CHMP1A: variants seen among roughly 807,000 people sequenced by gnomAD.
The protein encoded by CHMP1A is charged multivesicular body protein 1A.
Under a neutral mutation model 27.0 loss-of-function variants are expected in CHMP1A, and 17 were observed. The ratio of observed to expected loss-of-function variants is 0.63; its 90% CI spans 0.43 to 0.95. The LOEUF is 0.95. Among genes scored for constraint, CHMP1A ranks in the 40% least tolerant of loss-of-function variants. The pLI is 0.00. For missense variants in CHMP1A, 275 were observed against 264.0 expected, an observed-to-expected ratio of 1.04 and a Z score of -0.29; for synonymous variants, 131 against 107.5, an observed-to-expected ratio of 1.22 and a Z score of -1.35.
At chr16:89,653,856 C>G (rs374973354) in intron 2 of CHMP1A, 48 bp downstream of exon 2, 7 of 1,595,810 alleles carry the variant, frequency 4.4e-6, no homozygotes, top group Non-Finnish European at 4.3e-6. Flanking sequence ...CTTATACTAT[C>G]TGTCCTCACC....
At chr16:89,649,814 G>C (rs4785699) in intron 3 of CHMP1A, among the ~76,000 whole-genome samples, 4 of 152,102 alleles carry the variant, frequency 2.6e-5, no homozygotes, top group Non-Finnish European at 4.4e-5. Flanking sequence ...CTGACCTCGT[G>C]ATCTGCCCGC....
At position 89,648,528 on chromosome 16, in the gene CHMP1A, G is replaced by A. The variant is rs930827027; in HGVS notation, c.252+823C>T. ...GCAACAGCCAAGGCTCTGCTGTGACGTCCCTGACCCAGCAGATGAGCCTGG... is the reference window on the plus strand; with the variant it reads ...GCAACAGCCAAGGCTCTGCTGTGACATCCCTGACCCAGCAGATGAGCCTGG... On this transcript the variant is annotated intron_variant, in intron 4 of 6. Coordinates refer to ENST00000397901, the MANE Select transcript of CHMP1A (RefSeq NM_002768.5). 4.1e-4 allele frequency among the ~76,000 whole-genome samples: 62 copies of A among 152,298 alleles called. No individual in the cohort carries two copies. In the Middle Eastern group the frequency reaches 0.01, roughly 25 times the overall value.
At chr16:89,653,778 C>A in intron 2 of CHMP1A, 126 bp downstream of exon 2, 1 of 971,208 alleles carries the variant, frequency 1.0e-6, no homozygotes, top group African/African-American at 1.6e-5. Context: ...CAGTCTGAGC[C>A]CTGTGTGGCG....
intron 2 of CHMP1A, among the ~76,000 whole-genome samples, chr16:89,652,198 C>G (rs2059829813): frequency 6.6e-6 from 1 of 152,278 alleles, no homozygotes; most frequent in East Asian, 1.9e-4. Flanking sequence ...TCTGGCAACA[C>G]CACAAGGACA....
intron 6 of CHMP1A, 62 bp from the exon 7 acceptor site, chr16:89,646,149 C>T: frequency 1.4e-6 from 2 of 1,450,218 alleles, no homozygotes; most frequent in African/African-American, 2.8e-5. Context: ...CCACCACGTG[C>T]TCCCAGCACA....
chr16:89,652,325 G>A (rs1201837014), intron 2 of CHMP1A, among the ~76,000 whole-genome samples: 2 of 145,754 alleles, frequency 1.4e-5, no homozygotes, highest in Non-Finnish European at 3.0e-5. Context: ...CAGACACCCT[G>A]GTATCAGGTA....
chr16:89,648,751 C>G (rs913486538), intron 4 of CHMP1A, among the ~76,000 whole-genome samples: 4 of 100,528 alleles, frequency 4.0e-5, no homozygotes, highest in African/African-American at 1.5e-4. Flanking sequence ...ATCAGCTGGG[C>G]ATGGTGGTGG....
rs994955116 is a variant in CHMP1A at position 89,652,398 on chromosome 16, C to G, written c.28-752G>C. 2.6e-5 allele frequency among the ~76,000 whole-genome samples: 4 copies of G among 151,732 alleles called. No individual in the cohort carries two copies. The South Asian group carries it at 8.3e-4, about 32-fold the overall frequency. Reference sequence around the variant, plus strand: ...GGCAACCCATCTGGAACCACAGACGCCCTGGTACCAGGTAGCCCTGGCCAC... The same window carrying G: ...GGCAACCCATCTGGAACCACAGACGGCCTGGTACCAGGTAGCCCTGGCCAC... On this transcript the variant is annotated intron_variant, in intron 2 of 6. Coordinates refer to ENST00000397901, the MANE Select transcript of CHMP1A (RefSeq NM_002768.5).
chr16:89,646,400 G>C (rs2059773827), intron 6 of CHMP1A, 127 bp downstream of exon 6: 4 of 1,118,180 alleles, frequency 3.6e-6, no homozygotes, highest in Non-Finnish European at 5.0e-6. Flanking sequence ...TCTGAGTCGA[G>C]ATCAGGGCTC....
chr16:89,647,068 G>A (rs1470988928), intron 5 of CHMP1A, 135 bp downstream of exon 5: 5 of 1,533,260 alleles, frequency 3.3e-6, no homozygotes, highest in Non-Finnish European at 3.5e-6. Context: ...CAGCACAGAG[G>A]ATGCTTGGTG....
rs190159421 is a variant in CHMP1A, at chr16:89,649,634, G to A, written c.106-137C>T. ...TCTGTTGCCCAGGCTGGAGTGCAGTGGCACGATCTCGACTCAACGCAAGCT... is the reference window on the plus strand; with the variant it reads ...TCTGTTGCCCAGGCTGGAGTGCAGTAGCACGATCTCGACTCAACGCAAGCT... On this transcript the variant is annotated intron_variant, in intron 3 of 6. Coordinates refer to ENST00000397901, the MANE Select transcript of CHMP1A (RefSeq NM_002768.5). 6.2e-4 allele frequency: 635 copies of A among 1,023,392 alleles called. 4 individuals carry two copies. In the African/African-American group the frequency reaches 9.1e-3, roughly 15 times the overall value. The allele number at this position is 1,023,392 out of a possible 1,614,324, so 63.4% of individuals were successfully genotyped here. A position where few individuals can be genotyped will look rare whatever the true frequency, so the allele number is the denominator to read the frequency against.
rs760456375 is a variant in CHMP1A, at chr16:89,647,282, C to T, written c.302G>A (p.Ser101Asn). ...QVTKALDKAL[S>N]TMDLQKVSSV... is the part of the protein sequence containing the mutation. ...GGAGACCTTCTGCAGGTCCATGGTG[C>T]TCAGGGCCTTGTCCAGGGCTTTGGT... The change falls in exon 5 of 7, where the codon AGC becomes AAC. Residue 101 changes from serine to asparagine, a missense_variant. By Grantham distance (46) the Ser-to-Asn change is conservative. Transcript: ENST00000397901. 3 of 1,612,010 alleles carry T rather than the reference C, an allele frequency of 1.9e-6. No homozygotes were observed. The highest frequency in any genetic ancestry group is 2.7e-5 in the African/African-American group (2 of 74,926).
At chr16:89,650,078 G>A (rs2059812432) in intron 3 of CHMP1A, among the ~76,000 whole-genome samples, 2 of 152,172 alleles carry the variant, frequency 1.3e-5, no homozygotes, top group South Asian at 4.1e-4. Flanking sequence ...ATTCTCCCTG[G>A]GAGCCTGGCT....
At chr16:89,650,113 A>G (rs528749628) in intron 3 of CHMP1A, among the ~76,000 whole-genome samples, 1 of 152,304 alleles carries the variant, frequency 6.6e-6, no homozygotes, top group East Asian at 1.9e-4. Context: ...ACCAAAGTCC[A>G]ATACGCTGGG....
In CHMP1A at chr16:89,657,698, C is replaced by T; in HGVS notation, c.-110G>A. 6.4e-7 allele frequency: 1 copy of T among 1,560,516 alleles called. No individual in the cohort carries two copies. The highest frequency in any genetic ancestry group is 1.2e-5 in the South Asian group (1 of 84,894). On this transcript the variant is annotated 5_prime_UTR_variant, in exon 1 of 7. Transcript: ENST00000397901. ...ACCAAGCTGCACCCGGCGGGGACTT[C>T]CGGGGTCGCCGCCCCACTTCCGGTC...
chr16:89,645,257 AG>A lies in CHMP1A; in HGVS notation c.*808del, dbSNP rs2059764928. 6.6e-6 allele frequency: 1 copy of A among 152,524 alleles called. No homozygotes were observed. The highest frequency in any genetic ancestry group is 1.5e-5 in the Non-Finnish European group (1 of 68,318). The allele number at this position is 152,524 out of a possible 1,614,324, so 9.4% of individuals were successfully genotyped here. A position where few individuals can be genotyped will look rare whatever the true frequency, so the allele number is the denominator to read the frequency against. ...GAGAACCAGGCTGCCCAAGGGGAGG[AG>A]CTGCAGACGCACCCGCTGGGACCGC... On this transcript the variant is annotated 3_prime_UTR_variant, in exon 7 of 7. Transcript: ENST00000397901.
intron 2 of CHMP1A, 139 bp downstream of exon 2, chr16:89,653,765 C>G: frequency 1.2e-6 from 1 of 851,374 alleles, no homozygotes; most frequent in Non-Finnish European, 1.9e-6. Context: ...CCTCCTTGGT[C>G]AGCAGTCTGA....
chr16:89,647,478 T>G (rs1450120465), intron 4 of CHMP1A, 147 bp from the exon 5 acceptor site: 2 of 708,504 alleles, frequency 2.8e-6, no homozygotes, highest in Non-Finnish European at 4.6e-6. Context: ...AGCCATCATC[T>G]GGGTCCTATG....
chr16:89,649,725 G>A (rs1301156450), intron 3 of CHMP1A: 31 of 499,252 alleles, frequency 6.2e-5, no homozygotes, highest in African/African-American at 2.4e-4. Flanking sequence ...ACAGGCGCCC[G>A]CCACCATGCC....
Sources: allele counts gnomAD v4.1 joint callset (sites outside exome capture counted in the v4.1 genomes callset), GRCh38; gene constraint gnomAD v4.1.1; transcripts MANE v1.5; gene names NCBI Gene and HGNC (gene_info 2026-07-23, HGNC 2026-07-21).